Variants in CLYBL observed in about 807,000 individuals in gnomAD.
CLYBL encodes the protein citramalyl-CoA lyase.
Under a neutral mutation model 38.9 loss-of-function variants are expected in CLYBL, and 31 were observed. The ratio of observed to expected loss-of-function variants is 0.80; its 90% CI spans 0.60 to 1.08. The LOEUF (loss-of-function observed/expected upper bound fraction) is 1.08. CLYBL is among the 50% of genes least tolerant of loss of function. The probability of loss-of-function intolerance (pLI) is 0.00; values close to 1 mark genes in which losing one functional copy is unlikely to be tolerated. For synonymous variants in CLYBL, 171 were observed against 158.6 expected, an observed-to-expected ratio of 1.08 and a Z score of -0.59; for missense variants, 434 against 411.6, an observed-to-expected ratio of 1.05 and a Z score of -0.47.
intron 1 of CLYBL, among the ~76,000 whole-genome samples, chr13:99,728,179 G>C (rs548071813): frequency 6.6e-6 from 1 of 152,036 alleles, no homozygotes; most frequent in South Asian, 2.1e-4. Flanking sequence ...GTGTTTTGGT[G>C]GGGGGGATTA....
rs2051836655 is a variant in CLYBL at position 99,869,741 on chromosome 13, TATAAAACATC to T, written c.803-1195_803-1186del. On this transcript the variant is annotated intron_variant, in intron 6 of 8. Transcript: ENST00000339105. This position sits in a 1 kb window ranked among gnomAD's most constrained non-coding sequence, Gnocchi z 4.3. ...TGACAATAGGAATTGACAGCAAGGA[TATAAAACATC>T]AAGGATATAATTTCTACTGTCTAAA... is the stretch of plus-strand genomic sequence containing the variant. 6.6e-6 allele frequency among the ~76,000 whole-genome samples: 1 copy of T among 152,124 alleles called. No individual in the cohort carries two copies. The highest frequency in any genetic ancestry group is 2.1e-4 in the South Asian group (1 of 4,832).
At position 99,607,932 on chromosome 13, in the gene CLYBL, CAG is replaced by C. The variant is rs935554306; in HGVS notation, c.62+1178_62+1179del. 5.9e-5 allele frequency among the ~76,000 whole-genome samples: 9 copies of C among 152,152 alleles called. No individual in the cohort carries two copies. In the East Asian group the frequency reaches 1.7e-3, roughly 29 times the overall value. On this transcript the variant is annotated intron_variant, in intron 1 of 8. Transcript: ENST00000339105. ...CTAATTTTTGTATTTTTAGTAGAGACAGAGTTTCGCCATGTTGGCCAGGCTGT... is the reference window on the plus strand; with the variant it reads ...CTAATTTTTGTATTTTTAGTAGAGACAGTTTCGCCATGTTGGCCAGGCTGT...
chr13:99,623,958 C>CAAA (rs754256330), intron 1 of CLYBL, among the ~76,000 whole-genome samples: 8 of 64,194 alleles, frequency 1.2e-4, no homozygotes, highest in African/African-American at 2.7e-4. Context: ...GACTCCATCT[C>CAAA]AAAAAAAAAA....
At chr13:99,815,220 G>A (rs1395457781) in intron 2 of CLYBL, among the ~76,000 whole-genome samples, 1 of 152,132 alleles carries the variant, frequency 6.6e-6, no homozygotes, top group African/African-American at 2.4e-5. Context: ...AATCAAATCC[G>A]GGAAAGGAGC....
chr13:99,740,627 GA>G (rs1566308357), intron 1 of CLYBL, among the ~76,000 whole-genome samples: 1 of 152,138 alleles, frequency 6.6e-6, no homozygotes, highest in Non-Finnish European at 1.5e-5. Context: ...ATGACTTAAC[GA>G]GCTGGAAAGT....
At chr13:99,719,445 C>T (rs1408116333) in intron 1 of CLYBL, among the ~76,000 whole-genome samples, 11 of 151,952 alleles carry the variant, frequency 7.2e-5, no homozygotes, top group African/African-American at 2.7e-4. Context: ...CCACCATGTC[C>T]AGCCAAGAAC....
chr13:99,683,073 ATGT>A (rs1036577946), intron 1 of CLYBL, among the ~76,000 whole-genome samples: 1 of 146,354 alleles, frequency 6.8e-6, no homozygotes, highest in African/African-American at 2.5e-5. Context: ...ATATATATAT[ATGT>A]TTTGTTTTGT....
At chr13:99,631,765 AT>A (rs1182247489) in intron 1 of CLYBL, among the ~76,000 whole-genome samples, 2 of 151,998 alleles carry the variant, frequency 1.3e-5, no homozygotes, top group East Asian at 3.9e-4. Flanking sequence ...CGCCCAGCTA[AT>A]TTTTGTATTT....
chr13:99,701,562 C>G (rs766317665), intron 1 of CLYBL, among the ~76,000 whole-genome samples: 1 of 152,144 alleles, frequency 6.6e-6, no homozygotes, highest in South Asian at 2.1e-4. Flanking sequence ...CTGCCTGCCT[C>G]GGCCTCCCAA....
At chr13:99,728,785 G>T (rs149759333) in intron 1 of CLYBL, among the ~76,000 whole-genome samples, 1,795 of 151,844 alleles carry the variant, frequency 0.012, 31 homozygotes, top group African/African-American at 0.041. Flanking sequence ...GTCTCATTAT[G>T]TTGCCCAGGC....
At chr13:99,867,805 G>A (rs1423262614) in intron 6 of CLYBL, among the ~76,000 whole-genome samples, 2 of 152,096 alleles carry the variant, frequency 1.3e-5, no homozygotes, top group Admixed American at 1.3e-4. Flanking sequence ...GAACTAATTC[G>A]ATAAAAAAGA....
At chr13:99,818,273 G>A (rs1310202509) in intron 2 of CLYBL, among the ~76,000 whole-genome samples, 1 of 152,162 alleles carries the variant, frequency 6.6e-6, no homozygotes, top group East Asian at 1.9e-4. Flanking sequence ...CTGATAGCAT[G>A]TGAGTAGAAA....
At chr13:99,723,540 A>C (rs2048424293) in intron 1 of CLYBL, among the ~76,000 whole-genome samples, 1 of 152,214 alleles carries the variant, frequency 6.6e-6, no homozygotes, top group African/African-American at 2.4e-5. Flanking sequence ...TTTAGATTAA[A>C]TAGGGCTGTA....
chr13:99,784,398 A>G (rs1017497861), intron 2 of CLYBL, among the ~76,000 whole-genome samples: 4 of 150,894 alleles, frequency 2.7e-5, no homozygotes, highest in African/African-American at 9.7e-5. Flanking sequence ...TTCACAAATC[A>G]GAATTCAACC....
At chr13:99,624,040 C>T (rs1418482683) in intron 1 of CLYBL, among the ~76,000 whole-genome samples, 1 of 150,602 alleles carries the variant, frequency 6.6e-6, no homozygotes, top group Non-Finnish European at 1.5e-5. Flanking sequence ...CACCAATAAA[C>T]AGTGGATGTA....
At chr13:99,760,603 G>A (rs1445891267) in intron 1 of CLYBL, among the ~76,000 whole-genome samples, 2 of 152,142 alleles carry the variant, frequency 1.3e-5, no homozygotes, top group Non-Finnish European at 2.9e-5. Flanking sequence ...TTTCCTTTTA[G>A]CACTTTGAAT....
At chr13:99,776,510 GTT>G (rs67909322) in intron 2 of CLYBL, among the ~76,000 whole-genome samples, 45,147 of 144,934 alleles carry the variant, frequency 0.31, 7,121 homozygotes, top group African/African-American at 0.38. Flanking sequence ...AAAAAAAGTT[GTT>G]TTTTTTTTTT....
At chr13:99,830,792 G>A (rs2050789028) in intron 2 of CLYBL, among the ~76,000 whole-genome samples, 1 of 152,182 alleles carries the variant, frequency 6.6e-6, no homozygotes. Flanking sequence ...ATTGTTCATG[G>A]AATATGCTTC....
intron 1 of CLYBL, among the ~76,000 whole-genome samples, chr13:99,757,657 C>G (rs1330656524): frequency 6.6e-6 from 1 of 152,142 alleles, no homozygotes; most frequent in Non-Finnish European, 1.5e-5. Context: ...CAGGGTTTCA[C>G]CATGTTGGCC....
Sources: gnomAD v4.1 joint callset for allele counts (sites outside exome capture counted in the v4.1 genomes callset) on GRCh38, gnomAD v4.1.1 for gene constraint, Gnocchi (gnomAD v3.1) non-coding constraint, MANE v1.5 for transcripts, NCBI Gene and HGNC (gene_info 2026-07-23, HGNC 2026-07-21) for gene names.